Variants in ZW10 observed in about 807,000 individuals in gnomAD.
The protein encoded by ZW10 is zw10 kinetochore protein, also known as centromere/kinetochore protein zw10 homolog.
ZW10 carries 53 observed loss-of-function variants against 87.8 expected under a neutral mutation model. That is an observed-to-expected ratio of 0.60 (90% confidence interval 0.48 to 0.76). The LOEUF is 0.76. ZW10 is among the 30% of genes least tolerant of loss of function. The pLI is 0.00. For missense variants in ZW10, 837 were observed against 923.0 expected (o/e 0.91, Z 1.21); for synonymous variants, 312 against 329.2 (o/e 0.95, Z 0.57).
Position 113,748,380 on chromosome 11 carries a change from AGAT to A in ZW10, c.963_965del (p.Ser322del). On this transcript the variant is annotated inframe_deletion, in exon 8 of 16. Coordinates refer to ENST00000200135, the MANE Select transcript of ZW10 (RefSeq NM_004724.4). ...CAAGCATCTCAGCCAATGGGACAGT[AGAT>A]GTTTTTTCATTTTCCAGGTCAGTGT... The A allele has an allele frequency of 6.2e-7, 1 of 1,609,456 alleles. No individual in the cohort carries two copies. Among genetic ancestry groups the A allele is most frequent in the Non-Finnish European group, 8.5e-7 (1 of 1,178,624 alleles).
At position 113,740,185 on chromosome 11, in the gene ZW10, T is replaced by TA. The variant is rs142162870; in HGVS notation, c.1584-804dup. On this transcript the variant is annotated intron_variant, in intron 11 of 15. Coordinates refer to ENST00000200135, the MANE Select transcript of ZW10 (RefSeq NM_004724.4). ...ACACATCAGAATCACCTGTGGGGCT[T>TA]AAAAAAAAAGAAAAAAACACACCTG... Among the ~76,000 whole-genome samples, 1,039 of 139,954 alleles carry TA rather than the reference T, an allele frequency of 7.4e-3. 13 individuals carry two copies. Among genetic ancestry groups the TA allele is most frequent in the African/African-American group, 0.026 (998 of 37,984 alleles). 91.8% of individuals were successfully genotyped at this position (139,954 alleles called of 152,430 possible).
Position 113,733,564 on chromosome 11 carries a change from G to C in ZW10, c.*130C>G. 7.9e-7 allele frequency: 1 copy of C among 1,273,574 alleles called. No individual in the cohort carries two copies. The highest frequency in any genetic ancestry group is 1.1e-6 in the Non-Finnish European group (1 of 899,986). 78.9% of individuals were successfully genotyped at this position (1,273,574 alleles called of 1,614,324 possible). On this transcript the variant is annotated 3_prime_UTR_variant, in exon 16 of 16. Transcript: ENST00000200135. ...AGGCCAGGAGGTAAGACGTTCTTCT[G>C]TAAAGTCAAACTTCCAAGATGTACT...
chr11:113,754,765 A>AT (rs1435467118), intron 7 of ZW10, among the ~76,000 whole-genome samples: 11 of 151,734 alleles, frequency 7.2e-5, no homozygotes, highest in East Asian at 1.9e-4. Flanking sequence ...CTAATTTTTT[A>AT]TTTTTTTAGT....
intron 7 of ZW10, among the ~76,000 whole-genome samples, chr11:113,756,435 G>A (rs1438998646): frequency 6.6e-6 from 1 of 152,158 alleles, no homozygotes; most frequent in East Asian, 1.9e-4. Flanking sequence ...CATTCTATAT[G>A]GCTCCACACC....
chr11:113,752,477 T>C (rs547697051), intron 7 of ZW10, among the ~76,000 whole-genome samples: 2 of 152,332 alleles, frequency 1.3e-5, no homozygotes, highest in East Asian at 1.9e-4. Flanking sequence ...AATTGAAGAT[T>C]TGTGGCAACC....
intron 7 of ZW10, among the ~76,000 whole-genome samples, chr11:113,754,233 C>T (rs990874019): frequency 6.6e-6 from 1 of 152,154 alleles, no homozygotes; most frequent in Admixed American, 6.5e-5. Flanking sequence ...ACCTGTAATC[C>T]TAGCACTTTG....
At chr11:113,765,869 A>C (rs1186716796) in intron 2 of ZW10, among the ~76,000 whole-genome samples, 1 of 152,226 alleles carries the variant, frequency 6.6e-6, no homozygotes, top group Non-Finnish European at 1.5e-5. Context: ...CCTCCAAAGC[A>C]AAAGGGAGGT....
intron 6 of ZW10, 85 bp from the exon 7 acceptor site, chr11:113,757,938 C>T: frequency 8.5e-7 from 1 of 1,176,994 alleles, no homozygotes; most frequent in Non-Finnish European, 1.1e-6. Context: ...GTAATCCCAG[C>T]ACTTTGGGAG....
chr11:113,743,648 G>A (rs1460979919), intron 10 of ZW10, among the ~76,000 whole-genome samples, 154 bp downstream of exon 10: 2 of 152,170 alleles, frequency 1.3e-5, no homozygotes, highest in Admixed American at 6.5e-5. Context: ...GTGATGCACT[G>A]GGTTTTTGTT....
chr11:113,741,799 TAAG>T (rs779405559), intron 10 of ZW10, 34 bp from the exon 11 acceptor site: 1 of 1,490,824 alleles, frequency 6.7e-7, no homozygotes, highest in South Asian at 1.2e-5. Context: ...CAGAAATGCC[TAAG>T]AATACACTAA....
rs1953842522 is a variant in ZW10, at chr11:113,760,245, G to A, written c.544C>T (p.Gln182Ter). The change falls in exon 5 of 16, where the codon CAG becomes TAG. Residue 182 changes from glutamine (Q) to a stop codon, truncating the protein, a stop_gained. Coordinates refer to ENST00000200135, the MANE Select transcript of ZW10 (RefSeq NM_004724.4). LOFTEE classifies it high-confidence loss of function. ...GGGAACTTCCATACAATCAGCTTCT[G>A]CCACTCTTCTCCAAGGTGATAAAGT... ...NILYHLGEEW[Q>*]KLIVWKFPPS... is the part of the protein sequence containing the mutation. 3.1e-6 allele frequency: 5 copies of A among 1,613,966 alleles called. No individual in the cohort carries two copies. The African/African-American group carries it at 6.7e-5, about 22-fold the overall frequency.
chr11:113,766,931 T>G (rs1465480749), intron 2 of ZW10, among the ~76,000 whole-genome samples: 2 of 151,574 alleles, frequency 1.3e-5, no homozygotes, highest in African/African-American at 4.9e-5. Context: ...GCAGGAGAAT[T>G]GCTTGAACCC....
intron 12 of ZW10, 146 bp from the exon 13 acceptor site, chr11:113,738,540 G>A: frequency 1.4e-6 from 1 of 718,518 alleles, no homozygotes; most frequent in Non-Finnish European, 2.1e-6. Flanking sequence ...CTGCCCTAAA[G>A]CTACTAGAAA....
intron 2 of ZW10, 131 bp from the exon 3 acceptor site, chr11:113,761,049 G>A (rs898038419): frequency 1.4e-6 from 1 of 699,530 alleles, no homozygotes; most frequent in Non-Finnish European, 2.3e-6. Flanking sequence ...GTTAAGACTG[G>A]AATAAAAATC....
At chr11:113,741,948 A>G (rs1379709637) in intron 10 of ZW10, among the ~76,000 whole-genome samples, 183 bp from the exon 11 acceptor site, 1 of 152,262 alleles carries the variant, frequency 6.6e-6, no homozygotes, top group Non-Finnish European at 1.5e-5. Context: ...ACCAGTATTT[A>G]CTAACCAGAC....
intron 7 of ZW10, among the ~76,000 whole-genome samples, chr11:113,753,531 G>A (rs1281287995): frequency 2.0e-5 from 3 of 152,094 alleles, no homozygotes; most frequent in Non-Finnish European, 4.4e-5. Context: ...TCAGCCTCCT[G>A]AGCAGCTTGG....
intron 9 of ZW10, among the ~76,000 whole-genome samples, chr11:113,746,495 CAAA>C (rs566009326): frequency 0.29 from 31,095 of 105,608 alleles, 4,109 homozygotes; most frequent in Non-Finnish European, 0.37. Context: ...ACAAAACAGT[CAAA>C]AAAAAAAAAA....
intron 1 of ZW10, among the ~76,000 whole-genome samples, 155 bp downstream of exon 1, chr11:113,773,407 C>T (rs1937664243): frequency 6.6e-6 from 1 of 152,102 alleles, no homozygotes; most frequent in Admixed American, 6.5e-5. Flanking sequence ...GGCCCCTCCA[C>T]TCCTCATTCA....
At chr11:113,758,796 A>G in intron 5 of ZW10, 90 bp from the exon 6 acceptor site, 4 of 1,263,478 alleles carry the variant, frequency 3.2e-6, no homozygotes, top group South Asian at 1.4e-5. Flanking sequence ...GATATTTCCA[A>G]TGCAGTTCTA....
Sources: gnomAD v4.1 joint callset for allele counts (sites outside exome capture counted in the v4.1 genomes callset) on GRCh38, gnomAD v4.1.1 for gene constraint, MANE v1.5 for transcripts, NCBI Gene and HGNC (gene_info 2026-07-23, HGNC 2026-07-21) for gene names.